RPS6KA5: variants seen among roughly 807,000 people sequenced by gnomAD.
The protein encoded by RPS6KA5 is ribosomal protein S6 kinase A5, also known as ribosomal protein S6 kinase alpha-5.
A neutral mutation model predicts 85.5 loss-of-function variants in RPS6KA5; 27 were observed. The ratio of observed to expected loss-of-function variants is 0.32; its 90% CI spans 0.23 to 0.44. RPS6KA5 has a LOEUF of 0.44. Among genes scored for constraint, RPS6KA5 ranks in the 20% least tolerant of loss-of-function variants. RPS6KA5 has a pLI of 1.00. For synonymous variants in RPS6KA5, 334 were observed against 348.2 expected (o/e 0.96, Z 0.46); for missense variants, 811 against 980.9 (o/e 0.83, Z 2.31).
chr14:90,923,841 T>C (rs953305595), intron 5 of RPS6KA5, among the ~76,000 whole-genome samples: 10 of 152,158 alleles, frequency 6.6e-5, no homozygotes, highest in Non-Finnish European at 1.3e-4. Context: ...TATAGAATTT[T>C]AAAAATTCAA....
At chr14:90,980,054 G>A (rs1024084375) in intron 2 of RPS6KA5, among the ~76,000 whole-genome samples, 3 of 152,124 alleles carry the variant, frequency 2.0e-5, no homozygotes, top group African/African-American at 4.8e-5. Flanking sequence ...TTAGCTCATC[G>A]GAAATCCAAT....
At position 90,864,946 on chromosome 14, in the gene RPS6KA5, C is replaced by T. The variant is rs1022648836; in HGVS notation, c.*7128G>A. 1 of 152,242 alleles carries T rather than the reference C, an allele frequency of 6.6e-6. No homozygotes were observed. Among genetic ancestry groups the T allele is most frequent in the Admixed American group, 6.5e-5 (1 of 15,282 alleles). 9.4% of individuals were successfully genotyped at this position (152,242 alleles called of 1,614,324 possible). A position where few individuals can be genotyped will look rare whatever the true frequency, so the allele number is the denominator to read the frequency against. ...GGATGTGGAAGAACTAGAACACTTA[C>T]ACATTATTGGTGGGTATGTAAATTG... On this transcript the variant is annotated 3_prime_UTR_variant, in exon 17 of 17. Coordinates refer to ENST00000614987, the MANE Select transcript of RPS6KA5 (RefSeq NM_004755.4).
At chr14:91,055,221 G>A (rs2043263685) in intron 1 of RPS6KA5, among the ~76,000 whole-genome samples, 1 of 152,152 alleles carries the variant, frequency 6.6e-6, no homozygotes, top group South Asian at 2.1e-4. Context: ...TTCTTACAAA[G>A]GTAAACCCAG....
chr14:90,936,421 G>A (rs895405827), intron 5 of RPS6KA5, among the ~76,000 whole-genome samples: 1 of 152,026 alleles, frequency 6.6e-6, no homozygotes, highest in African/African-American at 2.4e-5. Flanking sequence ...AAAATTAGCC[G>A]GGCATAGTGG....
At chr14:90,877,942 A>G (rs1270389581) in intron 14 of RPS6KA5, among the ~76,000 whole-genome samples, 1 of 152,258 alleles carries the variant, frequency 6.6e-6, no homozygotes. Context: ...CCTGGCACAC[A>G]GTAGGTGCTC....
chr14:91,040,617 G>T (rs2042570371), intron 1 of RPS6KA5, among the ~76,000 whole-genome samples: 1 of 152,088 alleles, frequency 6.6e-6, no homozygotes, highest in Non-Finnish European at 1.5e-5. Context: ...ACTAGTTCAA[G>T]CAATGATAAC....
chr14:90,927,191 T>C (rs936218776), intron 5 of RPS6KA5, among the ~76,000 whole-genome samples: 1 of 151,724 alleles, frequency 6.6e-6, no homozygotes, highest in Non-Finnish European at 1.5e-5. Flanking sequence ...GATAAGTAAA[T>C]AAAATCAGGG....
intron 7 of RPS6KA5, among the ~76,000 whole-genome samples, chr14:90,908,560 G>A (rs1036760317): frequency 6.6e-6 from 1 of 152,208 alleles, no homozygotes; most frequent in Non-Finnish European, 1.5e-5. Context: ...TCAGTGATGT[G>A]AGGAGGTTCT....
At position 90,978,500 on chromosome 14, in the gene RPS6KA5, C is replaced by A; in HGVS notation, c.200G>T (p.Arg67Leu). ...TCCAGTATCATGGCCACTTATTTTACGAACTAGAAATACTTTTCCATAAGC... is the reference window on the plus strand; with the variant it reads ...TCCAGTATCATGGCCACTTATTTTAAGAACTAGAAATACTTTTCCATAAGC... ...TGAYGKVFLVRKISGHDTGKL... is the reference protein window; with the variant it reads ...TGAYGKVFLVLKISGHDTGKL... Residue 67 changes from arginine (R) to leucine (L), a missense_variant, in exon 3 of 17, where the codon CGT becomes CTT. Physicochemically the swap from Arg to Leu is moderately radical, Grantham distance 102. Coordinates refer to ENST00000614987, the MANE Select transcript of RPS6KA5 (RefSeq NM_004755.4). The A allele has an allele frequency of 6.3e-7, 1 of 1,589,882 alleles. No homozygotes were observed. The highest frequency in any genetic ancestry group is 8.6e-7 in the Non-Finnish European group (1 of 1,169,578).
At chr14:90,922,076 A>G (rs1351074776) in intron 6 of RPS6KA5, among the ~76,000 whole-genome samples, 1 of 152,172 alleles carries the variant, frequency 6.6e-6, no homozygotes, top group African/African-American at 2.4e-5. Flanking sequence ...AACTTAAACT[A>G]TCTAGAACTC....
intron 4 of RPS6KA5, among the ~76,000 whole-genome samples, chr14:90,943,931 C>A (rs1459677197): frequency 1.3e-5 from 2 of 152,158 alleles, no homozygotes; most frequent in African/African-American, 4.8e-5. Context: ...TAGCTCACTG[C>A]AACTTCAAAC....
At chr14:90,888,337 T>C (rs1418908284) in intron 14 of RPS6KA5, among the ~76,000 whole-genome samples, 2 of 152,212 alleles carry the variant, frequency 1.3e-5, no homozygotes, top group Non-Finnish European at 2.9e-5. Context: ...TTGATGGACA[T>C]AATTGGCCTT....
At chr14:90,964,217 A>G (rs563812211) in intron 3 of RPS6KA5, among the ~76,000 whole-genome samples, 51 of 152,366 alleles carry the variant, frequency 3.3e-4, no homozygotes, top group African/African-American at 1.2e-3. Flanking sequence ...AGCTGTGTAT[A>G]GCAATCAAGT....
At chr14:91,033,316 G>C (rs1196267441) in intron 1 of RPS6KA5, among the ~76,000 whole-genome samples, 1 of 152,064 alleles carries the variant, frequency 6.6e-6, no homozygotes, top group Non-Finnish European at 1.5e-5. Flanking sequence ...TTTTTAACGT[G>C]ACAATAGAAA....
chr14:90,907,299 TG>T (rs2035563989), intron 7 of RPS6KA5, among the ~76,000 whole-genome samples: 1 of 152,228 alleles, frequency 6.6e-6, no homozygotes, highest in African/African-American at 2.4e-5. Flanking sequence ...ATATAGACTT[TG>T]GAGCCAGAAT....
At chr14:91,012,455 T>C (rs1040995078) in intron 1 of RPS6KA5, among the ~76,000 whole-genome samples, 1 of 152,272 alleles carries the variant, frequency 6.6e-6, no homozygotes, top group Non-Finnish European at 1.5e-5. Context: ...CTCTCATTTT[T>C]ATATGTTCAA....
intron 1 of RPS6KA5, among the ~76,000 whole-genome samples, chr14:91,046,751 C>T (rs944071281): frequency 7.9e-5 from 12 of 151,552 alleles, no homozygotes; most frequent in Non-Finnish European, 1.5e-4. Context: ...AAGTATGCCC[C>T]CATTTTATTG....
intron 2 of RPS6KA5, among the ~76,000 whole-genome samples, chr14:90,981,662 C>G (rs2039794846): frequency 1.3e-5 from 2 of 152,202 alleles, no homozygotes; most frequent in Admixed American, 6.5e-5. Flanking sequence ...ATCTATCAGA[C>G]AATGTCAGGG....
chr14:91,029,328 T>C (rs2042098342), intron 1 of RPS6KA5, among the ~76,000 whole-genome samples: 1 of 152,196 alleles, frequency 6.6e-6, no homozygotes, highest in Non-Finnish European at 1.5e-5. Context: ...TACTAAACTG[T>C]CCTTATTTAT....
Sources: allele counts gnomAD v4.1 joint callset (sites outside exome capture counted in the v4.1 genomes callset), GRCh38; gene constraint gnomAD v4.1.1; transcripts MANE v1.5; gene names NCBI Gene and HGNC (gene_info 2026-07-23, HGNC 2026-07-21).